Variants in PCDHA5 observed in about 807,000 individuals in gnomAD.
PCDHA5 encodes the protein protocadherin alpha 5.
Under a neutral mutation model 61.6 loss-of-function variants are expected in PCDHA5, and 43 were observed. The ratio of observed to expected loss-of-function variants is 0.70; its 90% confidence interval spans 0.55 to 0.90. PCDHA5 has a LOEUF of 0.90. Ranked by LOEUF, PCDHA5 falls within the 40% of genes least tolerant of loss-of-function variation. PCDHA5 has a pLI of 0.00. For missense variants in PCDHA5, 1,298 were observed against 1,222.7 expected, an observed-to-expected ratio of 1.06 and a Z score of -0.92; for synonymous variants, 627 against 543.9, an observed-to-expected ratio of 1.15 and a Z score of -2.13.
At chr5:140,936,662 CT>C (rs1337986057) in intron 1 of PCDHA5, among the ~76,000 whole-genome samples, 1 of 152,178 alleles carries the variant, frequency 6.6e-6, no homozygotes, top group Non-Finnish European at 1.5e-5. Context: ...TATTCTGTTT[CT>C]GGACTGTCTA....
chr5:140,877,092 C>G (rs200462899), intron 1 of PCDHA5: 46 of 1,613,110 alleles, frequency 2.9e-5, no homozygotes, highest in African/African-American at 6.7e-5. Flanking sequence ...CGCGCGACGC[C>G]GGCGTGCCGC....
chr5:140,914,944 CTT>C (rs35695909), intron 1 of PCDHA5, among the ~76,000 whole-genome samples: 2,964 of 128,208 alleles, frequency 0.023, 99 homozygotes, highest in African/African-American at 0.077. Flanking sequence ...GAAAAGTTGT[CTT>C]TTTTTTTTTT....
chr5:140,836,129 G>A (rs2150253536), intron 1 of PCDHA5: 3 of 1,613,716 alleles, frequency 1.9e-6, no homozygotes, highest in Non-Finnish European at 2.5e-6. Flanking sequence ...AGCTTGTGCC[G>A]CGGTCTGTGG....
At chr5:140,873,255 C>T (rs1554166636) in intron 1 of PCDHA5, among the ~76,000 whole-genome samples, 1 of 152,074 alleles carries the variant, frequency 6.6e-6, no homozygotes, top group South Asian at 2.1e-4. Context: ...ATTTCAGACT[C>T]AAAAGTGATT....
chr5:140,849,539 A>G lies in PCDHA5; in HGVS notation c.2352+25412A>G, dbSNP rs2150439995. ...TTGTGGATGTAAATGACAATGCTCC[A>G]CAGTTGACTATCAAAACGCTCTCGG... On this transcript the variant is annotated intron_variant, in intron 1 of 3. Coordinates refer to ENST00000529859, the MANE Select transcript of PCDHA5 (RefSeq NM_018908.3). 1.9e-6 allele frequency: 3 copies of G among 1,598,028 alleles called. 1 individual carries two copies. The highest frequency in any genetic ancestry group is 1.7e-6 in the Non-Finnish European group (2 of 1,167,768).
At chr5:140,947,451 A>G (rs2094135983) in intron 1 of PCDHA5, among the ~76,000 whole-genome samples, 1 of 151,658 alleles carries the variant, frequency 6.6e-6, no homozygotes, top group Non-Finnish European at 1.5e-5. Context: ...GAAATCCTCC[A>G]ACCTTGTTCT....
rs138800056 is a variant in PCDHA5 at position 140,842,341 on chromosome 5, T to C, written c.2352+18214T>C. 5.9e-4 allele frequency: 943 copies of C among 1,607,778 alleles called. 5 individuals are homozygous for C. The highest frequency in any genetic ancestry group is 7.8e-4 in the Non-Finnish European group (921 of 1,174,582). ...GTCATTGCACCGTTTTAGTGAGAAT[T>C]TTGGATAAAAATGATAACGTCCCTG... On this transcript the variant is annotated intron_variant, in intron 1 of 3. Transcript: ENST00000529859.
intron 1 of PCDHA5, chr5:140,869,400 C>T (rs782134920): frequency 1.2e-6 from 2 of 1,614,026 alleles, no homozygotes; most frequent in African/African-American, 2.7e-5. Flanking sequence ...GCGGGCAGAG[C>T]GCGGAGTGCA....
At chr5:140,974,040 T>C (rs1554235767) in intron 1 of PCDHA5, among the ~76,000 whole-genome samples, 2 of 152,260 alleles carry the variant, frequency 1.3e-5, no homozygotes, top group African/African-American at 4.8e-5. Context: ...TTTAGCTTAT[T>C]AATATGATAA....
chr5:140,821,675 A>G lies in PCDHA5; in HGVS notation c.-101A>G. On this transcript the variant is annotated 5_prime_UTR_variant, in exon 1 of 4. Coordinates refer to ENST00000529859, the MANE Select transcript of PCDHA5 (RefSeq NM_018908.3). ...TTTTGGCTGTGCCAAGAAGCTCAGAAAGGCGATAATATAAAAAATATATAG... is the reference window on the plus strand; with the variant it reads ...TTTTGGCTGTGCCAAGAAGCTCAGAGAGGCGATAATATAAAAAATATATAG... 1.5e-6 allele frequency: 2 copies of G among 1,308,536 alleles called. No individual in the cohort carries two copies. Among genetic ancestry groups the G allele is most frequent in the South Asian group, 3.0e-5 (2 of 66,834 alleles). The allele number at this position is 1,308,536 out of a possible 1,614,324, so 81.1% of individuals were successfully genotyped here.
chr5:140,946,508 G>A (rs1352307719), intron 1 of PCDHA5, among the ~76,000 whole-genome samples: 3 of 151,202 alleles, frequency 2.0e-5, no homozygotes, highest in Non-Finnish European at 3.0e-5. Flanking sequence ...GTATGTCAAA[G>A]ACCTATCCGC....
At chr5:140,882,755 G>T in intron 1 of PCDHA5, 1 of 1,614,230 alleles carries the variant, frequency 6.2e-7, no homozygotes, top group Non-Finnish European at 8.5e-7. Flanking sequence ...TGCAGATATT[G>T]GAGTAAACTC....
In PCDHA5 at chr5:140,966,814, C is replaced by G. The variant is rs782787958; in HGVS notation, c.2353-12135C>G. 4.5e-6 allele frequency: 7 copies of G among 1,552,328 alleles called. No individual in the cohort carries two copies. The East Asian group carries it at 1.2e-4, about 27-fold the overall frequency. On this transcript the variant is annotated intron_variant, in intron 1 of 3. Coordinates refer to ENST00000529859, the MANE Select transcript of PCDHA5 (RefSeq NM_018908.3). The stretch of plus-strand genomic sequence containing the variant: ...CTGCGGCGACAGAGCATCCACGGCT[C>G]CGGCGGCCCATGCCCTGGCTGCTGC...
chr5:140,884,083 G>A, intron 1 of PCDHA5: 1 of 1,613,596 alleles, frequency 6.2e-7, no homozygotes. Context: ...GCTACAATGC[G>A]TGGCTTTCGT....
chr5:140,899,584 G>A (rs2153464513), intron 1 of PCDHA5, among the ~76,000 whole-genome samples: 1 of 152,292 alleles, frequency 6.6e-6, no homozygotes, highest in African/African-American at 2.4e-5. Flanking sequence ...CGGTTTGCCA[G>A]TATTTTATTG....
intron 1 of PCDHA5, among the ~76,000 whole-genome samples, chr5:140,890,775 C>T (rs1583027889): frequency 1.3e-5 from 2 of 152,158 alleles, no homozygotes; most frequent in East Asian, 3.9e-4. Context: ...TTTAAAACCC[C>T]ATAAGATATT....
intron 3 of PCDHA5, among the ~76,000 whole-genome samples, chr5:141,007,295 A>G (rs181235064): frequency 1.6e-3 from 250 of 151,912 alleles, no homozygotes; most frequent in Non-Finnish European, 2.9e-3. Context: ...TCATGCCTGT[A>G]ATCTTAGCAT....
At position 140,830,681 on chromosome 5, in the gene PCDHA5, G is replaced by C. The variant is rs112940654; in HGVS notation, c.2352+6554G>C. On this transcript the variant is annotated intron_variant, in intron 1 of 3. Coordinates refer to ENST00000529859, the MANE Select transcript of PCDHA5 (RefSeq NM_018908.3). ...AATTTAAGTGAAATTAGAAATCACT[G>C]TCCACAATCTGCACCTCAGAATTTT... The C allele has an allele frequency of 8.1e-3, 2,706 of 335,658 alleles. 74 individuals are homozygous for C. Among genetic ancestry groups the C allele is most frequent in the African/African-American group, 0.053 (2,457 of 46,446 alleles). The allele number at this position is 335,658 out of a possible 1,614,324, so 20.8% of individuals were successfully genotyped here.
intron 1 of PCDHA5, chr5:140,967,804 A>G (rs1168632160): frequency 6.2e-7 from 1 of 1,614,090 alleles, no homozygotes; most frequent in Admixed American, 1.7e-5. Flanking sequence ...TGCCCATGGC[A>G]GGTCACTGCA....
Sources: gnomAD v4.1 joint callset for allele counts (sites outside exome capture counted in the v4.1 genomes callset) on GRCh38, gnomAD v4.1.1 for gene constraint, MANE v1.5 for transcripts, NCBI Gene and HGNC (gene_info 2026-07-23, HGNC 2026-07-21) for gene names.